PDE10A: variants seen among roughly 807,000 people sequenced by gnomAD.
PDE10A encodes phosphodiesterase 10A, also known as cAMP and cAMP-inhibited cGMP 3',5'-cyclic phosphodiesterase 10A.
PDE10A carries 39 observed loss-of-function variants against 97.7 expected under a neutral mutation model. The ratio of observed to expected loss-of-function variants is 0.40; its 90% CI spans 0.31 to 0.52. PDE10A has a LOEUF of 0.52. PDE10A is among the 20% of genes least tolerant of loss of function. The probability of loss-of-function intolerance (pLI) is 0.56; values close to 1 mark genes in which losing one functional copy is unlikely to be tolerated. For synonymous variants in PDE10A, 371 were observed against 376.8 expected (o/e 0.98, Z 0.18); for missense variants, 731 against 1,047.8 (o/e 0.70, Z 4.17).
At chr6:165,438,847 A>C (rs887311443) in intron 5 of PDE10A, among the ~76,000 whole-genome samples, 12 of 151,566 alleles carry the variant, frequency 7.9e-5, no homozygotes, top group African/African-American at 2.9e-4. Context: ...AGCACTAGCT[A>C]CTCAGGAGGC....
chr6:165,954,125 G>A (rs1016411303), intron 1 of PDE10A, among the ~76,000 whole-genome samples: 1 of 152,154 alleles, frequency 6.6e-6, no homozygotes, highest in Non-Finnish European at 1.5e-5. Flanking sequence ...TGTGTGGAAC[G>A]ACCACAGTTT....
At chr6:165,865,522 G>C (rs922537694) in intron 1 of PDE10A, among the ~76,000 whole-genome samples, 3 of 151,918 alleles carry the variant, frequency 2.0e-5, no homozygotes, top group Non-Finnish European at 4.4e-5. Context: ...AGATACAAGA[G>C]AGCACACAAA....
intron 16 of PDE10A, among the ~76,000 whole-genome samples, chr6:165,392,443 A>G (rs747051801): frequency 6.6e-6 from 1 of 152,204 alleles, no homozygotes; most frequent in Non-Finnish European, 1.5e-5. Context: ...TGAAGTTAAA[A>G]TTTCTTTTAT....
intron 1 of PDE10A, among the ~76,000 whole-genome samples, chr6:165,826,878 T>G (rs1779774172): frequency 7.0e-6 from 1 of 142,208 alleles, no homozygotes; most frequent in African/African-American, 2.7e-5. Flanking sequence ...AGGGGCACAG[T>G]GAGAGAGAGG....
chr6:165,501,433 C>T (rs1293457841), intron 2 of PDE10A, among the ~76,000 whole-genome samples: 3 of 152,010 alleles, frequency 2.0e-5, no homozygotes, highest in East Asian at 1.9e-4. Flanking sequence ...TGGTGGCGGG[C>T]GCCTGTAGTC....
At chr6:165,400,972 C>T (rs1430167620) in intron 13 of PDE10A, among the ~76,000 whole-genome samples, 1 of 152,070 alleles carries the variant, frequency 6.6e-6, no homozygotes, top group African/African-American at 2.4e-5. Flanking sequence ...TTATATAATT[C>T]CCTTTATACA....
chr6:165,787,187 C>T (rs1778519369), intron 1 of PDE10A, among the ~76,000 whole-genome samples: 1 of 151,876 alleles, frequency 6.6e-6, no homozygotes, highest in South Asian at 2.1e-4. Flanking sequence ...TTAAAATGAT[C>T]ATTAAGTTAC....
chr6:165,754,056 C>A (rs530996155), intron 1 of PDE10A: 4 of 152,204 alleles, frequency 2.6e-5, no homozygotes, highest in Non-Finnish European at 5.9e-5. Context: ...TGAGCCAATG[C>A]AGTACTGCTC....
intron 1 of PDE10A, among the ~76,000 whole-genome samples, chr6:165,610,971 C>A (rs1485900092): frequency 2.8e-4 from 42 of 152,096 alleles, no homozygotes; most frequent in Non-Finnish European, 7.4e-5. Flanking sequence ...TAAAAGCCTT[C>A]CAATCGGGAG....
At chr6:165,774,164 A>C (rs907578405) in intron 1 of PDE10A, among the ~76,000 whole-genome samples, 2 of 152,156 alleles carry the variant, frequency 1.3e-5, no homozygotes, top group Admixed American at 6.5e-5. Flanking sequence ...AGTCAATGTA[A>C]AGTGAAAGAA....
chr6:165,686,027 T>C (rs1480912817), intron 1 of PDE10A, among the ~76,000 whole-genome samples: 1 of 151,980 alleles, frequency 6.6e-6, no homozygotes, highest in African/African-American at 2.4e-5. Context: ...TGGCCACTCT[T>C]CAGTGTGAAT....
intron 1 of PDE10A, among the ~76,000 whole-genome samples, chr6:165,752,129 CAAAAAA>C (rs58229023): frequency 3.0e-5 from 2 of 66,356 alleles, no homozygotes; most frequent in South Asian, 5.4e-4. Context: ...GGCAACAGAG[CAAAAAA>C]AAAAAAAAAA....
intron 1 of PDE10A, among the ~76,000 whole-genome samples, chr6:165,879,926 G>A (rs1165676569): frequency 1.3e-5 from 2 of 150,226 alleles, no homozygotes; most frequent in East Asian, 2.0e-4. Context: ...GAATTCTCGG[G>A]GGGGGACACT....
chr6:165,958,702 A>G (rs1329684451), intron 1 of PDE10A, among the ~76,000 whole-genome samples: 1 of 142,266 alleles, frequency 7.0e-6, no homozygotes, highest in African/African-American at 2.8e-5. Flanking sequence ...AAGAGAAAGA[A>G]AGAAAGAAAG....
intron 1 of PDE10A, among the ~76,000 whole-genome samples, chr6:165,648,363 A>G (rs563571831): frequency 3.2e-4 from 48 of 152,242 alleles, no homozygotes; most frequent in Non-Finnish European, 5.9e-4. Flanking sequence ...CTTACTGAGA[A>G]GTCATAAAGC....
At chr6:165,647,601 C>G (rs1047757673) in intron 1 of PDE10A, among the ~76,000 whole-genome samples, 2 of 152,036 alleles carry the variant, frequency 1.3e-5, no homozygotes, top group African/African-American at 4.8e-5. Context: ...TAATTTCTTG[C>G]CAAGAAAGTG....
chr6:165,568,279 G>C (rs546669668), intron 1 of PDE10A, among the ~76,000 whole-genome samples: 3 of 152,064 alleles, frequency 2.0e-5, no homozygotes, highest in Admixed American at 1.3e-4. Context: ...GATTACAGGC[G>C]TGAGCCACCG....
chr6:165,689,188 A>G (rs1791203283), intron 1 of PDE10A, among the ~76,000 whole-genome samples: 1 of 152,240 alleles, frequency 6.6e-6, no homozygotes, highest in South Asian at 2.1e-4. Flanking sequence ...TGGTTAAGTC[A>G]CATAACCGTT....
intron 1 of PDE10A, among the ~76,000 whole-genome samples, chr6:165,768,149 C>T (rs2132028): frequency 0.5 from 76,731 of 151,998 alleles, 20,062 homozygotes; most frequent in East Asian, 0.8. Flanking sequence ...GCCTTTTTAT[C>T]GTTGAGTTGT....
Sources: allele counts gnomAD v4.1 joint callset (sites outside exome capture counted in the v4.1 genomes callset), GRCh38; gene constraint gnomAD v4.1.1; transcripts MANE v1.5; gene names NCBI Gene and HGNC (gene_info 2026-07-23, HGNC 2026-07-21).